The following CATSPERB variants were observed in gnomAD, a reference collection of about 807,000 sequenced individuals.
CATSPERB encodes cation channel sperm-associated auxiliary subunit beta.
CATSPERB carries 93 observed loss-of-function variants against 128.3 expected under a neutral mutation model. The observed-to-expected ratio is 0.72, with a 90% CI of 0.61 to 0.86. The LOEUF is 0.86. CATSPERB is among the 40% of genes least tolerant of loss of function. The pLI, the probability that CATSPERB is intolerant of heterozygous loss-of-function variation, is 0.00. For missense variants in CATSPERB, 1,153 were observed against 1,329.5 expected (o/e 0.87, Z 2.06); for synonymous variants, 381 against 448.8 (o/e 0.85, Z 1.91).
At chr14:91,679,661 T>C (rs1030928176) in intron 11 of CATSPERB, among the ~76,000 whole-genome samples, 4 of 152,258 alleles carry the variant, frequency 2.6e-5, no homozygotes, top group African/African-American at 9.6e-5. Flanking sequence ...TGTTTTACAA[T>C]GACCTATCAT....
chr14:91,585,279 T>G, intron 26 of CATSPERB, among the ~76,000 whole-genome samples: 1 of 152,288 alleles, frequency 6.6e-6, no homozygotes, highest in East Asian at 1.9e-4. Flanking sequence ...CCTCCCAAAG[T>G]GCTGGGATTT....
chr14:91,619,813 G>A (rs1300849894), intron 19 of CATSPERB, among the ~76,000 whole-genome samples: 1 of 150,636 alleles, frequency 6.6e-6, no homozygotes, highest in East Asian at 2.0e-4. Context: ...GGTCATAAAA[G>A]TATTCCTACA....
chr14:91,630,945 C>A (rs775202509), intron 17 of CATSPERB, among the ~76,000 whole-genome samples: 5 of 152,184 alleles, frequency 3.3e-5, no homozygotes, highest in Non-Finnish European at 7.3e-5. Flanking sequence ...TCTATACTGG[C>A]TTTCTTCATG....
intron 15 of CATSPERB, among the ~76,000 whole-genome samples, chr14:91,658,466 A>T (rs781312723): frequency 8.6e-5 from 13 of 151,936 alleles, no homozygotes; most frequent in Middle Eastern, 3.4e-3. Context: ...AATGAATAAG[A>T]TCTAGTATTT....
chr14:91,680,309 G>A (rs1200934368), intron 11 of CATSPERB, among the ~76,000 whole-genome samples: 1 of 152,134 alleles, frequency 6.6e-6, no homozygotes, highest in Non-Finnish European at 1.5e-5. Context: ...TATTGCAGAA[G>A]TGGTGGTCAT....
chr14:91,653,857 A>T (rs1173205096), intron 15 of CATSPERB, among the ~76,000 whole-genome samples: 1 of 152,238 alleles, frequency 6.6e-6, no homozygotes, highest in East Asian at 1.9e-4. Context: ...TCAAGCCCTC[A>T]TAAGTGAAGC....
chr14:91,708,128 T>C lies in CATSPERB; in HGVS notation c.466+13A>G. 6.4e-7 allele frequency: 1 copy of C among 1,565,684 alleles called. No individual in the cohort carries two copies. The highest frequency in any genetic ancestry group is 8.8e-7 in the Non-Finnish European group (1 of 1,136,952). On this transcript the variant is annotated intron_variant, in intron 6 of 26. Transcript: ENST00000256343. Reference sequence around the variant, plus strand: ...ATATGAATTCCATTTTACTTCTGTCTGTTGGCATTTACCTCGAATAACATC... The same window carrying C: ...ATATGAATTCCATTTTACTTCTGTCCGTTGGCATTTACCTCGAATAACATC...
At chr14:91,721,361 GC>G (rs759817793) in intron 4 of CATSPERB, among the ~76,000 whole-genome samples, 87 of 152,168 alleles carry the variant, frequency 5.7e-4, no homozygotes, top group Admixed American at 2.2e-3. Context: ...TCTATACAGA[GC>G]TTTTACAAAT....
intron 14 of CATSPERB, among the ~76,000 whole-genome samples, chr14:91,664,056 C>T (rs1323021980): frequency 3.3e-5 from 5 of 152,110 alleles, no homozygotes; most frequent in Non-Finnish European, 5.9e-5. Flanking sequence ...TAGTATCAGA[C>T]AGAAGAGTTT....
intron 4 of CATSPERB, among the ~76,000 whole-genome samples, chr14:91,720,206 C>T (rs907200805): frequency 6.6e-6 from 1 of 151,698 alleles, no homozygotes; most frequent in Non-Finnish European, 1.5e-5. Flanking sequence ...AGGAGACAAT[C>T]GTAAAATTAA....
intron 22 of CATSPERB, among the ~76,000 whole-genome samples, chr14:91,599,294 C>T (rs893651838): frequency 6.6e-6 from 1 of 152,110 alleles, no homozygotes. Context: ...GGCACGATGG[C>T]TCACGCTGTA....
At chr14:91,682,383 C>T (rs1171950428) in intron 11 of CATSPERB, among the ~76,000 whole-genome samples, 1 of 152,208 alleles carries the variant, frequency 6.6e-6, no homozygotes, top group Admixed American at 6.5e-5. Flanking sequence ...TCAAGCACCA[C>T]TGTGCACTGA....
At chr14:91,612,637 AC>A (rs1170768902) in intron 20 of CATSPERB, among the ~76,000 whole-genome samples, 3 of 152,208 alleles carry the variant, frequency 2.0e-5, no homozygotes, top group Admixed American at 2.0e-4. Flanking sequence ...TATTTTTGGA[AC>A]TTTAAAAATG....
chr14:91,681,562 C>T (rs576359624), intron 11 of CATSPERB, among the ~76,000 whole-genome samples: 106 of 152,322 alleles, frequency 7.0e-4, no homozygotes, highest in African/African-American at 2.3e-3. Context: ...CTGGGAGTCC[C>T]GCCTTTAGAC....
intron 24 of CATSPERB, among the ~76,000 whole-genome samples, chr14:91,589,123 A>G (rs570521786): frequency 1.4e-4 from 21 of 152,358 alleles, no homozygotes; most frequent in African/African-American, 4.6e-4. Context: ...ACCTTTAAGA[A>G]ACCTTTAAGA....
intron 5 of CATSPERB, among the ~76,000 whole-genome samples, chr14:91,712,520 A>G (rs971455571): frequency 6.6e-6 from 1 of 152,218 alleles, no homozygotes; most frequent in African/African-American, 2.4e-5. Flanking sequence ...TGTAAGGAGC[A>G]TCCTCTACCA....
intron 26 of CATSPERB, among the ~76,000 whole-genome samples, chr14:91,584,512 T>C (rs1163673782): frequency 6.6e-6 from 1 of 152,242 alleles, no homozygotes; most frequent in African/African-American, 2.4e-5. Flanking sequence ...CCTCCATTCC[T>C]GAAGCTTCAA....
chr14:91,606,972 C>T (rs1170913642), intron 22 of CATSPERB, among the ~76,000 whole-genome samples: 5 of 73,818 alleles, frequency 6.8e-5, no homozygotes, highest in South Asian at 8.3e-4. Flanking sequence ...AGAAACTGGA[C>T]GTGGAGAAGA....
intron 11 of CATSPERB, among the ~76,000 whole-genome samples, chr14:91,674,499 G>A (rs1285653): frequency 0.31 from 47,493 of 151,914 alleles, 7,827 homozygotes; most frequent in Middle Eastern, 0.36. Context: ...AAGCAAACTT[G>A]TCTTTATATT....
Sources: allele counts gnomAD v4.1 joint callset (sites outside exome capture counted in the v4.1 genomes callset), GRCh38; gene constraint gnomAD v4.1.1; transcripts MANE v1.5; gene names NCBI Gene and HGNC (gene_info 2026-07-23, HGNC 2026-07-21).